IL6ST: variants seen among roughly 807,000 people sequenced by gnomAD.
The protein encoded by IL6ST is interleukin 6 cytokine family signal transducer, also known as interleukin-6 receptor subunit beta.
In IL6ST, 24 loss-of-function variants were observed where a neutral mutation model predicts 91.3. The observed-to-expected ratio is 0.26, with a 90% CI of 0.19 to 0.37. IL6ST has a LOEUF of 0.37. IL6ST is among the 10% of genes least tolerant of loss of function. IL6ST has a pLI of 1.00. For synonymous variants in IL6ST, 351 were observed against 373.6 expected, an observed-to-expected ratio of 0.94 and a Z score of 0.70; for missense variants, 914 against 1,078.5, an observed-to-expected ratio of 0.85 and a Z score of 2.14.
At chr5:55,963,121 C>T (rs1172004208) in intron 7 of IL6ST, among the ~76,000 whole-genome samples, 1 of 151,592 alleles carries the variant, frequency 6.6e-6, no homozygotes, top group Non-Finnish European at 1.5e-5. Flanking sequence ...TTCCTATCAC[C>T]CTATATCATT....
chr5:55,972,743 G>A (rs1483174106), intron 3 of IL6ST, among the ~76,000 whole-genome samples: 3 of 151,346 alleles, frequency 2.0e-5, no homozygotes, highest in East Asian at 2.0e-4. Context: ...AGTGACTCAC[G>A]TCTGTAATCC....
Position 55,936,027 on chromosome 5 carries a change from G to C in IL6ST, c.*5055C>G, listed in dbSNP as rs1267391794. ...CTGACATGTTATTTCTATAAACTCTGGTATATATGTGAAGGAGTTACTGTT... is the reference window on the plus strand; with the variant it reads ...CTGACATGTTATTTCTATAAACTCTCGTATATATGTGAAGGAGTTACTGTT... On this transcript the variant is annotated 3_prime_UTR_variant, in exon 17 of 17. Coordinates refer to ENST00000381298, the MANE Select transcript of IL6ST (RefSeq NM_002184.4). The C allele has an allele frequency of 4.4e-6, 1 of 226,358 alleles. No homozygotes were observed. Among genetic ancestry groups the C allele is most frequent in the Non-Finnish European group, 8.8e-6 (1 of 113,868 alleles). The allele number at this position is 226,358 out of a possible 1,614,324, so 14.0% of individuals were successfully genotyped here. A position where few individuals can be genotyped will look rare whatever the true frequency, so the allele number is the denominator to read the frequency against.
intron 2 of IL6ST, among the ~76,000 whole-genome samples, chr5:55,980,025 C>T (rs139908699): frequency 8.4e-4 from 128 of 152,260 alleles, no homozygotes; most frequent in East Asian, 3.7e-3. Context: ...TACAGAACAA[C>T]GCATTTGCTA....
At chr5:55,990,485 C>T (rs1754256210) in intron 1 of IL6ST, among the ~76,000 whole-genome samples, 1 of 152,122 alleles carries the variant, frequency 6.6e-6, no homozygotes, top group Admixed American at 6.5e-5. Flanking sequence ...GCTTTTATCT[C>T]CAGGCTATGA....
intron 8 of IL6ST, 36 bp from the exon 9 acceptor site, chr5:55,957,327 G>A: frequency 9.4e-7 from 1 of 1,062,294 alleles, no homozygotes; most frequent in Non-Finnish European, 1.4e-6. Context: ...AAATAAAAAG[G>A]TTTTAACAGT....
rs1750768269 is a variant in IL6ST at position 55,939,776 on chromosome 5, C to A, written c.*1306G>T. On this transcript the variant is annotated 3_prime_UTR_variant, in exon 17 of 17. Coordinates refer to ENST00000381298, the MANE Select transcript of IL6ST (RefSeq NM_002184.4). Reference sequence around the variant, plus strand: ...AAACTCGAGGCCTGGGTCACTTCTCCCTTGAAGAAAAAAGGTTTTAAAAAT... The same window carrying A: ...AAACTCGAGGCCTGGGTCACTTCTCACTTGAAGAAAAAAGGTTTTAAAAAT... 4.8e-6 allele frequency: 1 copy of A among 206,354 alleles called. No homozygotes were observed. Among genetic ancestry groups the A allele is most frequent in the Middle Eastern group, 1.6e-3 (1 of 644 alleles). 12.8% of individuals were successfully genotyped at this position (206,354 alleles called of 1,614,324 possible). A position where few individuals can be genotyped will look rare whatever the true frequency, so the allele number is the denominator to read the frequency against.
At position 55,951,535 on chromosome 5, in the gene IL6ST, A is replaced by G; in HGVS notation, c.1769T>C (p.Val590Ala). 1 of 1,611,184 alleles carries G rather than the reference A, an allele frequency of 6.2e-7. No individual in the cohort carries two copies. Residue 590 changes from valine to alanine, a missense_variant, in exon 14 of 17, where the codon GTA becomes GCA. Coordinates refer to ENST00000381298, the MANE Select transcript of IL6ST (RefSeq NM_002184.4). Reference protein sequence around the residue: ...SSLTSDTLYMVRMAAYTDEGG... With the variant: ...SSLTSDTLYMARMAAYTDEGG... ...TTCATCTGTGTATGCTGCCATTCGT[A>G]CCATGTACAATGTGTCACTAGTCAA...
chr5:55,977,313 A>C (rs1172778757), intron 2 of IL6ST, among the ~76,000 whole-genome samples: 1 of 151,850 alleles, frequency 6.6e-6, no homozygotes, highest in African/African-American at 2.4e-5. Context: ...AGGCTGTCTC[A>C]AACTCCTGGG....
intron 7 of IL6ST, 76 bp downstream of exon 7, chr5:55,963,276 A>G: frequency 9.6e-7 from 1 of 1,037,042 alleles, no homozygotes; most frequent in East Asian, 2.5e-5. Context: ...AAAGACATTT[A>G]GAAAATGACT....
At chr5:55,993,646 AT>A (rs1001308888) in intron 1 of IL6ST, among the ~76,000 whole-genome samples, 25 of 152,114 alleles carry the variant, frequency 1.6e-4, no homozygotes, top group African/African-American at 4.1e-4. Context: ...CCTTCCTGTA[AT>A]TTTTTTCTTT....
At chr5:55,969,508 T>A in intron 4 of IL6ST, 42 bp downstream of exon 4, 5 of 1,307,646 alleles carry the variant, frequency 3.8e-6, no homozygotes, top group Non-Finnish European at 5.4e-6. Context: ...TGCAGTTCAA[T>A]AGTCATGACA....
intron 1 of IL6ST, among the ~76,000 whole-genome samples, chr5:55,985,281 C>A (rs558349409): frequency 1.3e-5 from 2 of 151,982 alleles, no homozygotes; most frequent in Non-Finnish European, 2.9e-5. Context: ...TTTGGGAGGC[C>A]GAAGTGGGTA....
In IL6ST at chr5:55,940,359, C is replaced by CA; in HGVS notation, c.*722dup. 2 of 209,026 alleles carry CA rather than the reference C, an allele frequency of 9.6e-6. No individual in the cohort carries two copies. The highest frequency in any genetic ancestry group is 1.9e-5 in the Non-Finnish European group (2 of 102,712). 12.9% of individuals were successfully genotyped at this position (209,026 alleles called of 1,614,324 possible). ...CTGTTGAGTTTGTGAAATGCATCTT[C>CA]AAAGAGGTTGTCAATAATATGCAAA... On this transcript the variant is annotated 3_prime_UTR_variant, in exon 17 of 17. Transcript: ENST00000381298.
At position 55,941,317 on chromosome 5, in the gene IL6ST, T is replaced by C; in HGVS notation, c.2522A>G (p.Asn841Ser). Residue 841 changes from asparagine (N) to serine (S), a missense_variant, in exon 17 of 17, where the codon AAT becomes AGT. Asn to Ser is a conservative substitution (Grantham distance 46). Transcript: ENST00000381298. ...FERSKQVSSV[N>S]EEDFVRLKQQ... Reference sequence around the variant, plus strand: ...TTTAAGTCTAACAAAATCTTCCTCATTGACTGATGAAACTTGCTTTGACCT... The same window carrying C: ...TTTAAGTCTAACAAAATCTTCCTCACTGACTGATGAAACTTGCTTTGACCT... 1.2e-6 allele frequency: 2 copies of C among 1,614,066 alleles called. No individual in the cohort carries two copies. The highest frequency in any genetic ancestry group is 1.3e-5 in the African/African-American group (1 of 75,052).
intron 13 of IL6ST, 90 bp from the exon 14 acceptor site, chr5:55,951,694 A>C: frequency 1.5e-6 from 2 of 1,291,562 alleles, no homozygotes; most frequent in Non-Finnish European, 1.1e-6. Context: ...GTTAAAAAAG[A>C]AGCGAAGTAT....
At chr5:55,992,784 A>C (rs1754405234) in intron 1 of IL6ST, among the ~76,000 whole-genome samples, 1 of 152,152 alleles carries the variant, frequency 6.6e-6, no homozygotes, top group South Asian at 2.1e-4. Context: ...CAATCCTTAA[A>C]TGCTCACTCC....
rs1202792574 is a variant in IL6ST at position 55,939,724 on chromosome 5, C to CA, written c.*1357dup. The CA allele has an allele frequency of 4.8e-6, 1 of 208,378 alleles. No homozygotes were observed. The highest frequency in any genetic ancestry group is 2.3e-5 in the African/African-American group (1 of 44,042). 12.9% of individuals were successfully genotyped at this position (208,378 alleles called of 1,614,324 possible). A position where few individuals can be genotyped will look rare whatever the true frequency, so the allele number is the denominator to read the frequency against. The stretch of plus-strand genomic sequence containing the variant: ...ATCGCACGTGGTGGTTAGGGGACAG[C>CA]ATAAGTACACTAGCGGCTTTAGCAC... On this transcript the variant is annotated 3_prime_UTR_variant, in exon 17 of 17. Transcript: ENST00000381298.
intron 15 of IL6ST, among the ~76,000 whole-genome samples, chr5:55,946,489 A>C (rs553224892): frequency 2.0e-5 from 3 of 152,340 alleles, no homozygotes; most frequent in African/African-American, 7.2e-5. Context: ...GTTTTGATAT[A>C]TCCATACTAC....
chr5:55,989,929 T>C (rs1260971358), intron 1 of IL6ST, among the ~76,000 whole-genome samples: 2 of 151,926 alleles, frequency 1.3e-5, no homozygotes, highest in East Asian at 1.9e-4. Flanking sequence ...ATCTGAAACA[T>C]AGCTCTGATT....
Sources: allele counts gnomAD v4.1 joint callset (sites outside exome capture counted in the v4.1 genomes callset), GRCh38; gene constraint gnomAD v4.1.1; transcripts MANE v1.5; gene names NCBI Gene and HGNC (gene_info 2026-07-23, HGNC 2026-07-21).